XRCC4: variants seen among roughly 807,000 people sequenced by gnomAD.
XRCC4 encodes the protein X-ray repair cross complementing 4, also known as DNA repair protein XRCC4.
XRCC4 carries 28 observed loss-of-function variants against 39.1 expected under a neutral mutation model. The observed-to-expected ratio is 0.72, with a 90% confidence interval of 0.53 to 0.98. The LOEUF is 0.98. XRCC4 is among the 50% of genes least tolerant of loss of function. The pLI is 0.00. For missense variants in XRCC4, 350 were observed against 376.4 expected (o/e 0.93, Z 0.58); for synonymous variants, 123 against 126.4 (o/e 0.97, Z 0.18).
chr5:83,188,348 C>T (rs1750547223), intron 3 of XRCC4, among the ~76,000 whole-genome samples: 1 of 151,918 alleles, frequency 6.6e-6, no homozygotes, highest in African/African-American at 2.4e-5. Context: ...TATATGTCAG[C>T]TTGGCAGGGC....
At chr5:83,259,201 C>G (rs976249429) in intron 7 of XRCC4, 1 of 152,488 alleles carries the variant, frequency 6.6e-6, no homozygotes, top group Non-Finnish European at 1.5e-5. Flanking sequence ...TGATGAGTTG[C>G]GAAGTTGAAA....
At chr5:83,276,514 G>A (rs1263662535) in intron 7 of XRCC4, among the ~76,000 whole-genome samples, 1 of 140,088 alleles carries the variant, frequency 7.1e-6, no homozygotes, top group African/African-American at 2.5e-5. Context: ...TGAAGAAGAA[G>A]TGGAAGAAGA....
intron 3 of XRCC4, among the ~76,000 whole-genome samples, chr5:83,161,605 T>A (rs1223836920): frequency 6.6e-6 from 1 of 152,236 alleles, no homozygotes; most frequent in African/African-American, 2.4e-5. Context: ...TCAAATTAGT[T>A]ACATTTGGCC....
rs1437629913 is a variant in XRCC4 at position 83,110,892 on chromosome 5, G to A, written c.140-136G>A. On this transcript the variant is annotated intron_variant, in intron 2 of 7. Coordinates refer to ENST00000396027, the MANE Select transcript of XRCC4 (RefSeq NM_003401.5). The stretch of plus-strand genomic sequence containing the variant: ...AAAAGGAATAATTTGATTTAAAAAT[G>A]TGTAGTATAGGGATTGATTTTACTT... The A allele has an allele frequency of 6.8e-6, 5 of 737,926 alleles. No homozygotes were observed. The African/African-American group carries it at 7.5e-5, about 11-fold the overall frequency. 45.7% of individuals were successfully genotyped at this position (737,926 alleles called of 1,614,324 possible). A position where few individuals can be genotyped will look rare whatever the true frequency, so the allele number is the denominator to read the frequency against.
chr5:83,310,362 T>C (rs911424965), intron 7 of XRCC4, among the ~76,000 whole-genome samples: 3 of 152,242 alleles, frequency 2.0e-5, no homozygotes, highest in East Asian at 1.9e-4. Context: ...CAGTGAGAGG[T>C]TTCTCTAGGA....
intron 3 of XRCC4, among the ~76,000 whole-genome samples, chr5:83,114,641 T>C (rs913954548): frequency 6.6e-6 from 1 of 152,218 alleles, no homozygotes; most frequent in African/African-American, 2.4e-5. Flanking sequence ...TTCCAAACTT[T>C]TTCACATCTT....
At chr5:83,119,631 A>G (rs561300230) in intron 3 of XRCC4, among the ~76,000 whole-genome samples, 24 of 152,264 alleles carry the variant, frequency 1.6e-4, no homozygotes, top group African/African-American at 5.8e-4. Context: ...TAAAGTCATT[A>G]TATCTTAACT....
At chr5:83,283,903 G>T (rs576376735) in intron 7 of XRCC4, among the ~76,000 whole-genome samples, 4 of 151,736 alleles carry the variant, frequency 2.6e-5, no homozygotes, top group Non-Finnish European at 5.9e-5. Flanking sequence ...GGTTTCTTTC[G>T]CATTTTAATG....
intron 5 of XRCC4, 44 bp from the exon 6 acceptor site, chr5:83,204,771 G>T: frequency 6.8e-7 from 1 of 1,469,724 alleles, no homozygotes; most frequent in South Asian, 1.2e-5. Context: ...TGCCTAGCAG[G>T]GGGTGAGCCA....
chr5:83,228,755 C>T (rs993002234), intron 6 of XRCC4, among the ~76,000 whole-genome samples: 4 of 152,054 alleles, frequency 2.6e-5, no homozygotes, highest in South Asian at 2.1e-4. Context: ...TAGAGTGTAC[C>T]GGATACTGAT....
At chr5:83,078,209 T>C (rs1744759292) in intron 1 of XRCC4, among the ~76,000 whole-genome samples, 1 of 152,266 alleles carries the variant, frequency 6.6e-6, no homozygotes, top group Non-Finnish European at 1.5e-5. Flanking sequence ...TAGCTTTTTC[T>C]GATTTTAATT....
intron 7 of XRCC4, among the ~76,000 whole-genome samples, chr5:83,291,314 T>TA (rs1228008468): frequency 2.6e-5 from 4 of 151,834 alleles, no homozygotes; most frequent in Admixed American, 2.6e-4. Flanking sequence ...CACTAGGTAA[T>TA]TAGTAAGAGC....
At chr5:83,156,098 G>C (rs1748946675) in intron 3 of XRCC4, among the ~76,000 whole-genome samples, 1 of 151,862 alleles carries the variant, frequency 6.6e-6, no homozygotes, top group African/African-American at 2.4e-5. Flanking sequence ...CTGTGCTTTG[G>C]CTACCACCCT....
At chr5:83,101,027 A>G (rs1431469072) in intron 1 of XRCC4, among the ~76,000 whole-genome samples, 1 of 152,136 alleles carries the variant, frequency 6.6e-6, no homozygotes, top group African/African-American at 2.4e-5. Flanking sequence ...ATCGTATCAA[A>G]CCTACAAACT....
intron 3 of XRCC4, among the ~76,000 whole-genome samples, chr5:83,144,267 C>CTGTG (rs56769195): frequency 0.11 from 15,138 of 139,934 alleles, 1,236 homozygotes; most frequent in East Asian, 0.43. Flanking sequence ...TAATATTCCT[C>CTGTG]TGTGTGTGTG....
At chr5:83,308,458 A>G (rs1755567157) in intron 7 of XRCC4, among the ~76,000 whole-genome samples, 1 of 152,182 alleles carries the variant, frequency 6.6e-6, no homozygotes, top group Non-Finnish European at 1.5e-5. Context: ...GGGGGAATAG[A>G]AATCTTATTT....
chr5:83,239,422 G>A (rs1250925090), intron 6 of XRCC4, among the ~76,000 whole-genome samples: 2 of 152,242 alleles, frequency 1.3e-5, no homozygotes, highest in Admixed American at 1.3e-4. Context: ...GATTTACAGA[G>A]AAGATTATGC....
At chr5:83,296,609 T>C (rs1755103852) in intron 7 of XRCC4, among the ~76,000 whole-genome samples, 2 of 152,130 alleles carry the variant, frequency 1.3e-5, no homozygotes, top group East Asian at 3.9e-4. Flanking sequence ...TTGTGGTACA[T>C]GAATTATATT....
rs779863147 is a variant in XRCC4, at chr5:83,203,571, G to A, written c.502G>A (p.Ala168Thr). ...TTTTAGATTTGAAAAATGTGTGAGT[G>A]CTAAGGAAGCTTTGGAGACTGATCT... Reference protein sequence around the residue: ...VQGRFEKCVSAKEALETDLYK... With the variant: ...VQGRFEKCVSTKEALETDLYK... The change falls in exon 5 of 8, where the codon GCT becomes ACT. Residue 168 changes from alanine to threonine, a missense_variant. By Grantham distance (58) the Ala-to-Thr change is moderately conservative (BLOSUM62 0). Transcript: ENST00000396027. The A allele has an allele frequency of 1.3e-6, 2 of 1,594,486 alleles. No individual in the cohort carries two copies. The highest frequency in any genetic ancestry group is 1.7e-6 in the Non-Finnish European group (2 of 1,174,454).
Sources: gnomAD v4.1 joint callset for allele counts (sites outside exome capture counted in the v4.1 genomes callset) on GRCh38, gnomAD v4.1.1 for gene constraint, MANE v1.5 for transcripts, NCBI Gene and HGNC (gene_info 2026-07-23, HGNC 2026-07-21) for gene names.